ERCC2: variants seen among roughly 807,000 people sequenced by gnomAD.
ERCC2 encodes the protein general transcription and DNA repair factor IIH helicase subunit XPD.
ERCC2 carries 90 observed loss-of-function variants against 99.4 expected under a neutral mutation model. The ratio of observed to expected loss-of-function variants is 0.91; its 90% CI spans 0.76 to 1.08. The LOEUF (loss-of-function observed/expected upper bound fraction) is 1.08. Among genes scored for constraint, ERCC2 ranks in the 50% least tolerant of loss-of-function variants. ERCC2 has a pLI of 0.00. For missense variants in ERCC2, 993 were observed against 1,038.1 expected (o/e 0.96, Z 0.60); for synonymous variants, 497 against 432.4 (o/e 1.15, Z -1.85).
intron 15 of ERCC2, 71 bp downstream of exon 15, chr19:45,357,199 A>C: frequency 9.1e-7 from 1 of 1,097,270 alleles, no homozygotes; most frequent in Non-Finnish European, 1.4e-6. Context: ...CAGTGGGGGA[A>C]GCCAAGGAAG....
rs1971848625 is a variant in ERCC2 at position 45,352,624 on chromosome 19, T to G, written c.1928A>C (p.Gln643Pro). The stretch of plus-strand genomic sequence containing the variant: ...AAAGTCATTCTCACGAATCTGGAAC[T>G]GGTCCCGCAGGTATTCCAGCCGCGC... ...LKARLEYLRDQFQIRENDFLT... is the reference protein window; with the variant it reads ...LKARLEYLRDPFQIRENDFLT... The change falls in exon 21 of 23, where the codon CAG (glutamine) becomes CCG (proline). Residue 643 changes from glutamine to proline, a missense_variant. Gln to Pro is a moderately conservative substitution (Grantham distance 76, BLOSUM62 -1). This residue lies in a region of ERCC2 where 909 missense variants were observed against 930.8 expected (regional missense o/e 0.98). Coordinates refer to ENST00000391945, the MANE Select transcript of ERCC2 (RefSeq NM_000400.4). The G allele has an allele frequency of 6.2e-7, 1 of 1,613,774 alleles. No homozygotes were observed. Among genetic ancestry groups the G allele is most frequent in the South Asian group, 1.1e-5 (1 of 91,092 alleles).
intron 19 of ERCC2, 96 bp downstream of exon 19, chr19:45,352,987 G>A: frequency 2.2e-6 from 3 of 1,376,170 alleles, no homozygotes; most frequent in Non-Finnish European, 3.1e-6. Context: ...CTAGGCTGGG[G>A]GTGGGTGGTT....
intron 13 of ERCC2, 35 bp downstream of exon 13, chr19:45,357,595 C>A (rs1173173468): frequency 6.2e-7 from 1 of 1,613,956 alleles, no homozygotes; most frequent in South Asian, 1.1e-5. Context: ...CCCCGACCCA[C>A]AGAGCATTCA....
intron 21 of ERCC2, 54 bp from the exon 22 acceptor site, chr19:45,352,406 ACT>A: frequency 6.2e-7 from 1 of 1,613,264 alleles, no homozygotes; most frequent in Non-Finnish European, 8.5e-7. Flanking sequence ...AGCCTGGGCC[ACT>A]CTCCACCCTG....
chr19:45,357,726 A>T (rs1972062030), intron 12 of ERCC2, 27 bp from the exon 13 acceptor site: 1 of 1,604,654 alleles, frequency 6.2e-7, no homozygotes. Context: ...AGGAGGGGTG[A>T]GATTACCCCA....
intron 3 of ERCC2, 37 bp from the exon 4 acceptor site, chr19:45,369,029 C>A: frequency 6.2e-7 from 1 of 1,614,028 alleles, no homozygotes; most frequent in South Asian, 1.1e-5. Flanking sequence ...CTGTCCCGCC[C>A]CTTCCTTTGT....
intron 17 of ERCC2, among the ~76,000 whole-genome samples, chr19:45,353,775 T>C (rs1971915132): frequency 6.6e-6 from 1 of 152,174 alleles, no homozygotes; most frequent in Non-Finnish European, 1.5e-5. Context: ...GAGCTTTTAC[T>C]GGAGCAAGTG....
At chr19:45,355,615 T>G in intron 16 of ERCC2, 50 bp downstream of exon 16, 1 of 1,496,874 alleles carries the variant, frequency 6.7e-7, no homozygotes, top group Non-Finnish European at 9.3e-7. Context: ...ACCTGACTGA[T>G]ACACCTCCCC....
rs1479611452 is a variant in ERCC2, at chr19:45,364,549, T to TG, written c.595-3dup. The TG allele has an allele frequency of 6.2e-7, 1 of 1,612,630 alleles. No homozygotes were observed. Among genetic ancestry groups the TG allele is most frequent in the Non-Finnish European group, 8.5e-7 (1 of 1,179,960 alleles). Reference sequence around the variant, plus strand: ...AACCACCACATTGGCATGCAGGATCTGGGGGGCCGGGGAGCAGGGTTACCA... The same window carrying TG: ...AACCACCACATTGGCATGCAGGATCTGGGGGGGCCGGGGAGCAGGGTTACCA... On this transcript the variant is annotated splice_polypyrimidine_tract_variant and splice_region_variant and intron_variant, in intron 7 of 22. Coordinates refer to ENST00000391945, the MANE Select transcript of ERCC2 (RefSeq NM_000400.4).
intron 15 of ERCC2, 77 bp downstream of exon 15, chr19:45,357,193 G>T: frequency 9.6e-7 from 1 of 1,042,364 alleles, no homozygotes; most frequent in Non-Finnish European, 1.5e-6. Flanking sequence ...CCTGAGCAGT[G>T]GGGGAAGCCA....
intron 17 of ERCC2, among the ~76,000 whole-genome samples, chr19:45,353,891 C>T (rs1971919526): frequency 6.6e-6 from 1 of 152,206 alleles, no homozygotes; most frequent in South Asian, 2.1e-4. Flanking sequence ...GCTAAAACCA[C>T]AAGCTCCTAG....
In ERCC2 at chr19:45,350,823, T is replaced by C; in HGVS notation, c.*806A>G. 1 of 882,980 alleles carries C rather than the reference T, an allele frequency of 1.1e-6. No homozygotes were observed. The highest frequency in any genetic ancestry group is 1.7e-6 in the Non-Finnish European group (1 of 591,340). 54.7% of individuals were successfully genotyped at this position (882,980 alleles called of 1,614,324 possible). A position where few individuals can be genotyped will look rare whatever the true frequency, so the allele number is the denominator to read the frequency against. On this transcript the variant is annotated 3_prime_UTR_variant, in exon 23 of 23. Coordinates refer to ENST00000391945, the MANE Select transcript of ERCC2 (RefSeq NM_000400.4). ...GCCCACCCCACCCCCACCCCCATCT[T>C]GCTCAAGAACCTTCCATGGCTCCCA...
intron 11 of ERCC2, 156 bp from the exon 12 acceptor site, chr19:45,361,798 C>T: frequency 1.5e-6 from 1 of 683,988 alleles, no homozygotes. Flanking sequence ...ACTTGCACCC[C>T]CACGCTGTAC....
At chr19:45,369,210 G>T in intron 2 of ERCC2, 63 bp from the exon 3 acceptor site, 1 of 1,395,706 alleles carries the variant, frequency 7.2e-7, no homozygotes, top group Non-Finnish European at 1.0e-6. Context: ...CACAAACTCT[G>T]GGGACTCTCC....
intron 16 of ERCC2, 59 bp from the exon 17 acceptor site, chr19:45,354,910 T>TTAGAAC: frequency 6.2e-7 from 1 of 1,610,386 alleles, no homozygotes; most frequent in Non-Finnish European, 8.5e-7. Context: ...CTTCTCTGTC[T>TTAGAAC]TAGAACTAGG....
At position 45,352,237 on chromosome 19, in the gene ERCC2, A is replaced by G; in HGVS notation, c.2162T>C (p.Leu721Pro). The G allele has an allele frequency of 6.2e-7, 1 of 1,614,068 alleles. No homozygotes were observed. The highest frequency in any genetic ancestry group is 1.3e-5 in the African/African-American group (1 of 75,040). The change falls in exon 22 of 23, where the codon CTG (leucine) becomes CCG (proline). Residue 721 changes from leucine (L) to proline (P), a missense_variant. Leu to Pro is a moderately conservative substitution (Grantham distance 98). Transcript: ENST00000391945. ...GTGGAAGGGCTGTGCCATCTGCCGC[A>G]GGAAGTACTTGGCCACCTGGACACC... ...DEGVQVAKYF[L>P]RQMAQPFHRE...
chr19:45,364,584 C>A (rs1972357853), intron 7 of ERCC2, 37 bp from the exon 8 acceptor site: 2 of 1,609,918 alleles, frequency 1.2e-6, no homozygotes, highest in African/African-American at 2.7e-5. Flanking sequence ...AGGGCCCTGC[C>A]ACCCCAACCC....
At position 45,369,083 on chromosome 19, in the gene ERCC2, A is replaced by T. The variant is rs746713272; in HGVS notation, c.170T>A (p.Met57Lys). The T allele has an allele frequency of 1.7e-5, 27 of 1,613,952 alleles. No homozygotes were observed. Among genetic ancestry groups the T allele is most frequent in the Non-Finnish European group, 2.3e-5 (27 of 1,179,988 alleles). ...CGCATCACTCACTCTCTGGTATGCC[A>T]TGATCAGGGCCAACAGGGATACTGT... ...GKTVSLLALI[M>K]AYQRAYPLEV... Residue 57 changes from methionine to lysine, a missense_variant, in exon 3 of 23, where the codon ATG becomes AAG. This residue lies in a region of ERCC2 where 29 missense variants were observed against 62.1 expected (regional missense o/e 0.47). Transcript: ENST00000391945.
intron 5 of ERCC2, among the ~76,000 whole-genome samples, chr19:45,366,278 G>C (rs1166497537): frequency 6.6e-6 from 1 of 152,152 alleles, no homozygotes; most frequent in Non-Finnish European, 1.5e-5. Context: ...GAGTAGCTGG[G>C]ATTACAGACA....
Sources: gnomAD v4.1 joint callset for allele counts (sites outside exome capture counted in the v4.1 genomes callset) on GRCh38, gnomAD v4.1.1 for gene constraint, gnomAD v4.1.1 regional missense constraint, MANE v1.5 for transcripts, NCBI Gene and HGNC (gene_info 2026-07-23, HGNC 2026-07-21) for gene names.